KCNQ1: variants seen among roughly 807,000 people sequenced by gnomAD.
KCNQ1 encodes the protein potassium voltage-gated channel subfamily KQT member 1.
In KCNQ1, 49 loss-of-function variants were observed where a neutral mutation model predicts 72.4. The observed-to-expected ratio is 0.68, with a 90% confidence interval of 0.54 to 0.86. The LOEUF (loss-of-function observed/expected upper bound fraction) is 0.86, where lower values mean the gene tolerates loss of function less well. Ranked by LOEUF, KCNQ1 falls within the 40% of genes least tolerant of loss-of-function variation. The pLI is 0.00. For missense variants in KCNQ1, 790 were observed against 945.1 expected (o/e 0.84, Z 2.15); for synonymous variants, 450 against 412.6 (o/e 1.09, Z -1.10).
rs550100223 is a variant in KCNQ1 at position 2,664,689 on chromosome 11, T to C, written c.1514+2608T>C. 6 of 398,764 alleles carry C rather than the reference T, an allele frequency of 1.5e-5. No individual in the cohort carries two copies. In the South Asian group the frequency reaches 7.6e-4, roughly 51 times the overall value. The allele number at this position is 398,764 out of a possible 1,614,324, so 24.7% of individuals were successfully genotyped here. ...AGCTCCTGTGGGCAGCCTGGCCCCA[T>C]GGACCCTGAACTGGGAAGAGAGGCA... On this transcript the variant is annotated intron_variant, in intron 11 of 15. Transcript: ENST00000155840. The surrounding 1 kb of genome is among the most constrained non-coding windows in gnomAD (Gnocchi z 5.1).
At chr11:2,684,321 C>T in intron 11 of KCNQ1, 2 of 398,634 alleles carry the variant, frequency 5.0e-6, no homozygotes, top group Non-Finnish European at 8.8e-6. Flanking sequence ...CAGTCTCTCT[C>T]CTGAGGTGGC....
In KCNQ1 at chr11:2,620,148, A is replaced by T. The variant is rs755979381; in HGVS notation, c.1393+31294A>T. 2 of 396,830 alleles carry T rather than the reference A, an allele frequency of 5.0e-6. No homozygotes were observed. The highest frequency in any genetic ancestry group is 8.9e-6 in the Non-Finnish European group (2 of 225,616). The allele number at this position is 396,830 out of a possible 1,614,324, so 24.6% of individuals were successfully genotyped here. A position where few individuals can be genotyped will look rare whatever the true frequency, so the allele number is the denominator to read the frequency against. ...GTTCCTGCATTAATTTGCTTAAGAT[A>T]GTGGCCTCTAGCTGCATCCATGTTG... is the stretch of plus-strand genomic sequence containing the variant. On this transcript the variant is annotated intron_variant, in intron 10 of 15. Coordinates refer to ENST00000155840, the MANE Select transcript of KCNQ1 (RefSeq NM_000218.3). This position sits in a 1 kb window ranked among gnomAD's most constrained non-coding sequence, Gnocchi z 4.5.
Position 2,516,477 on chromosome 11 carries a change from A to C in KCNQ1, c.387-11451A>C, listed in dbSNP as rs529277319. ...TTTGAATTCTCAATCTCCGGGCTCA[A>C]AATTGGCCCCCAGAAAGCCTTTGAG... On this transcript the variant is annotated intron_variant, in intron 1 of 15. Coordinates refer to ENST00000155840, the MANE Select transcript of KCNQ1 (RefSeq NM_000218.3). This position sits in a 1 kb window ranked among gnomAD's most constrained non-coding sequence, Gnocchi z 7.0. Among the ~76,000 whole-genome samples, 1 of 152,216 alleles carries C rather than the reference A, an allele frequency of 6.6e-6. No individual in the cohort carries two copies. The highest frequency in any genetic ancestry group is 1.9e-4 in the East Asian group (1 of 5,162).
rs1313056388 is a variant in KCNQ1 at position 2,720,791 on chromosome 11, G to A, written c.1515-48053G>A. 6.6e-6 allele frequency among the ~76,000 whole-genome samples: 1 copy of A among 152,184 alleles called. No individual in the cohort carries two copies. Among genetic ancestry groups the A allele is most frequent in the Non-Finnish European group, 1.5e-5 (1 of 68,030 alleles). ...TCAGCCAATGGGAAGTCGTGCCCTT[G>A]GATCATTTGGGGCAAATGGTCCTCG... is the stretch of plus-strand genomic sequence containing the variant. On this transcript the variant is annotated intron_variant, in intron 11 of 15. Coordinates refer to ENST00000155840, the MANE Select transcript of KCNQ1 (RefSeq NM_000218.3). This position sits in a 1 kb window ranked among gnomAD's most constrained non-coding sequence, Gnocchi z 5.1.
At chr11:2,812,241 T>C (rs1847503217) in intron 15 of KCNQ1, among the ~76,000 whole-genome samples, 1 of 152,220 alleles carries the variant, frequency 6.6e-6, no homozygotes, top group Admixed American at 6.5e-5. Context: ...CTCACATACA[T>C]GAAAAGCCTG....
At position 2,654,509 on chromosome 11, in the gene KCNQ1, C is replaced by T. The variant is rs986939907; in HGVS notation, c.1394-7452C>T. On this transcript the variant is annotated intron_variant, in intron 10 of 15. Coordinates refer to ENST00000155840, the MANE Select transcript of KCNQ1 (RefSeq NM_000218.3). The surrounding 1 kb of genome is among the most constrained non-coding windows in gnomAD (Gnocchi z 6.4). ...CAGGGGAGGGGGCAATCTCCGGAGC[C>T]CTGGAAAGCTTGTGGAAGAGGGCTT... The T allele has an allele frequency of 1.5e-5, 6 of 398,534 alleles. No individual in the cohort carries two copies. The highest frequency in any genetic ancestry group is 4.4e-5 in the Admixed American group (1 of 22,700). 24.7% of individuals were successfully genotyped at this position (398,534 alleles called of 1,614,324 possible).
Position 2,564,499 on chromosome 11 carries a change from G to A in KCNQ1, c.478-6129G>A, listed in dbSNP as rs937880137. Among the ~76,000 whole-genome samples, 17 of 152,208 alleles carry A rather than the reference G, an allele frequency of 1.1e-4. No individual in the cohort carries two copies. The highest frequency in any genetic ancestry group is 4.1e-4 in the African/African-American group (17 of 41,444). On this transcript the variant is annotated intron_variant, in intron 2 of 15. Coordinates refer to ENST00000155840, the MANE Select transcript of KCNQ1 (RefSeq NM_000218.3). This position sits in a 1 kb window ranked among gnomAD's most constrained non-coding sequence, Gnocchi z 4.5. Reference sequence around the variant, plus strand: ...TAATCCAGCTACTCAGGGGGCTGAGGCAGGAGAATCACTTGAACCTGGGAG... The same window carrying A: ...TAATCCAGCTACTCAGGGGGCTGAGACAGGAGAATCACTTGAACCTGGGAG...
chr11:2,799,573 G>T (rs574859877), intron 15 of KCNQ1, among the ~76,000 whole-genome samples: 16 of 152,166 alleles, frequency 1.1e-4, no homozygotes, highest in African/African-American at 3.1e-4. Flanking sequence ...GTGTTTGTGT[G>T]TGTGAGTGTG....
intron 1 of KCNQ1, among the ~76,000 whole-genome samples, chr11:2,459,885 A>T (rs1846249167): frequency 1.3e-5 from 2 of 148,570 alleles, no homozygotes; most frequent in Non-Finnish European, 3.0e-5. Flanking sequence ...TTTAGTAAGA[A>T]TTTTTTTTTT....
chr11:2,530,547 G>A (rs1384117035), intron 2 of KCNQ1, among the ~76,000 whole-genome samples: 1 of 152,242 alleles, frequency 6.6e-6, no homozygotes, highest in African/African-American at 2.4e-5. Context: ...GTGTATGTGA[G>A]TGCCCACATG....
chr11:2,710,776 C>T lies in KCNQ1; in HGVS notation c.1514+48695C>T, dbSNP rs569769291. On this transcript the variant is annotated intron_variant, in intron 11 of 15. Coordinates refer to ENST00000155840, the MANE Select transcript of KCNQ1 (RefSeq NM_000218.3). This position sits in a 1 kb window ranked among gnomAD's most constrained non-coding sequence, Gnocchi z 4.1. Reference sequence around the variant, plus strand: ...GGATGTTGATACCCTTGTCAAAAATCAGTTGACAGTAAATATGAAGGTTTA... The same window carrying T: ...GGATGTTGATACCCTTGTCAAAAATTAGTTGACAGTAAATATGAAGGTTTA... Among the ~76,000 whole-genome samples, 45 of 152,270 alleles carry T rather than the reference C, an allele frequency of 3.0e-4. No individual in the cohort carries two copies. The highest frequency in any genetic ancestry group is 1.1e-3 in the African/African-American group (45 of 41,548).
intron 10 of KCNQ1, chr11:2,616,867 G>A (rs906060027): frequency 3.5e-5 from 14 of 398,174 alleles, no homozygotes; most frequent in East Asian, 2.5e-4. Flanking sequence ...TGGGTGGAGT[G>A]TCCATATATG....
intron 11 of KCNQ1, among the ~76,000 whole-genome samples, chr11:2,760,901 G>A (rs753055290): frequency 3.3e-5 from 5 of 152,316 alleles, no homozygotes; most frequent in Non-Finnish European, 4.4e-5. Flanking sequence ...AGCGTCTAGG[G>A]GTGAATGTTT....
rs28769308 is a variant in KCNQ1 at position 2,608,372 on chromosome 11, T to G, written c.1393+19518T>G. The G allele has an allele frequency of 8.7e-3, 3,464 of 398,630 alleles. 46 individuals carry two copies. Among genetic ancestry groups the G allele is most frequent in the African/African-American group, 0.036 (1,753 of 48,764 alleles). The allele number at this position is 398,630 out of a possible 1,614,324, so 24.7% of individuals were successfully genotyped here. ...TCATCTTTCTAGGAATTTGTCAATT[T>G]CATCTAAGTTTTATAATTTATTGGC... On this transcript the variant is annotated intron_variant, in intron 10 of 15. Coordinates refer to ENST00000155840, the MANE Select transcript of KCNQ1 (RefSeq NM_000218.3). The surrounding 1 kb of genome is among the most constrained non-coding windows in gnomAD (Gnocchi z 4.6).
Position 2,715,164 on chromosome 11 carries a change from C to T in KCNQ1, c.1514+53083C>T, listed in dbSNP as rs75429592. 0.1 allele frequency among the ~76,000 whole-genome samples: 15,537 copies of T among 152,174 alleles called. 905 individuals carry two copies. Among genetic ancestry groups the T allele is most frequent in the Middle Eastern group, 0.24 (72 of 294 alleles). ...CCCTCACCCATCCTCCCATGAACCT[C>T]AGCATGGGCACCCCATGCCACCCGC... On this transcript the variant is annotated intron_variant, in intron 11 of 15. Transcript: ENST00000155840. This position sits in a 1 kb window ranked among gnomAD's most constrained non-coding sequence, Gnocchi z 4.9.
intron 11 of KCNQ1, among the ~76,000 whole-genome samples, chr11:2,733,851 C>CTT (rs58326725): frequency 1.6e-4 from 11 of 70,744 alleles, no homozygotes; most frequent in African/African-American, 3.5e-4. Flanking sequence ...CTCTCTCTCT[C>CTT]TCTCTCCCCC....
rs1848723734 is a variant in KCNQ1 at position 2,595,664 on chromosome 11, A to C, written c.1393+6810A>C. Among the ~76,000 whole-genome samples the C allele has an allele frequency of 6.6e-6, 1 of 151,568 alleles. No homozygotes were observed. Among genetic ancestry groups the C allele is most frequent in the Non-Finnish European group, 1.5e-5 (1 of 68,022 alleles). On this transcript the variant is annotated intron_variant, in intron 10 of 15. Coordinates refer to ENST00000155840, the MANE Select transcript of KCNQ1 (RefSeq NM_000218.3). The surrounding 1 kb of genome is among the most constrained non-coding windows in gnomAD (Gnocchi z 5.0). ...AAATGTTACTGCTCATTGACAGTGC[A>C]CCTGGTCATCCAAGACCTCTGATGG...
chr11:2,685,495 G>C, intron 11 of KCNQ1: 1 of 398,858 alleles, frequency 2.5e-6, no homozygotes, highest in Non-Finnish European at 4.4e-6. Flanking sequence ...CCAGCAAGTT[G>C]CTCACATCCA....
chr11:2,572,781 C>G (rs1448833575), intron 5 of KCNQ1, 65 bp from the exon 6 acceptor site: 1 of 1,605,324 alleles, frequency 6.2e-7, no homozygotes. Flanking sequence ...CTGCCTTAGG[C>G]GTCTGCACAG....
Sources: allele counts gnomAD v4.1 joint callset (sites outside exome capture counted in the v4.1 genomes callset), GRCh38; gene constraint gnomAD v4.1.1; non-coding constraint Gnocchi (gnomAD v3.1); transcripts MANE v1.5; gene names NCBI Gene and HGNC (gene_info 2026-07-23, HGNC 2026-07-21).